DOCK2: variants seen among roughly 807,000 people sequenced by gnomAD.
The protein encoded by DOCK2 is dedicator of cytokinesis 2, also known as dedicator of cytokinesis protein 2.
In DOCK2, 87 loss-of-function variants were observed where a neutral mutation model predicts 248.9. That is an observed-to-expected ratio of 0.35 (90% CI 0.29 to 0.42). DOCK2 has a LOEUF of 0.42. Among genes scored for constraint, DOCK2 ranks in the 10% least tolerant of loss-of-function variants. The probability of loss-of-function intolerance (pLI) is 1.00; values close to 1 mark genes in which losing one functional copy is unlikely to be tolerated. For synonymous variants in DOCK2, 805 were observed against 821.6 expected (o/e 0.98, Z 0.35); for missense variants, 1,747 against 2,300.2 (o/e 0.76, Z 4.92).
chr5:169,798,223 C>A (rs988440841), intron 25 of DOCK2, among the ~76,000 whole-genome samples: 1 of 152,202 alleles, frequency 6.6e-6, no homozygotes, highest in Non-Finnish European at 1.5e-5. Context: ...TTCCTCGGAA[C>A]CTATGTTTTG....
chr5:169,844,025 A>C (rs542616682), intron 27 of DOCK2, among the ~76,000 whole-genome samples: 3 of 152,224 alleles, frequency 2.0e-5, no homozygotes, highest in Non-Finnish European at 4.4e-5. Flanking sequence ...TTCACAAACA[A>C]GTGTTGTATG....
intron 27 of DOCK2, among the ~76,000 whole-genome samples, chr5:169,939,249 G>A (rs1482764847): frequency 6.8e-6 from 1 of 148,084 alleles, no homozygotes; most frequent in African/African-American, 2.5e-5. Flanking sequence ...TAAAAACTAA[G>A]ACACAAACAC....
At chr5:169,971,001 G>A (rs1444569708) in intron 27 of DOCK2, among the ~76,000 whole-genome samples, 5 of 152,116 alleles carry the variant, frequency 3.3e-5, no homozygotes, top group Admixed American at 6.5e-5. Flanking sequence ...GCAGCGGGGG[G>A]AGGACCTGCG....
chr5:169,671,267 G>A lies in DOCK2; in HGVS notation c.321+93G>A. ...ATTTTAGCATTGAGTCAGGCAGGTGGAGGTGGCTTTGGTGACATAGCAGAG... is the reference window on the plus strand; with the variant it reads ...ATTTTAGCATTGAGTCAGGCAGGTGAAGGTGGCTTTGGTGACATAGCAGAG... On this transcript the variant is annotated intron_variant, in intron 5 of 51. Coordinates refer to ENST00000520908, the MANE Select transcript of DOCK2 (RefSeq NM_004946.3). 9.3e-6 allele frequency: 11 copies of A among 1,180,424 alleles called. 1 individual carries two copies. Among genetic ancestry groups the A allele is most frequent in the South Asian group, 7.9e-5 (6 of 75,844 alleles). The allele number at this position is 1,180,424 out of a possible 1,614,324, so 73.1% of individuals were successfully genotyped here. A position where few individuals can be genotyped will look rare whatever the true frequency, so the allele number is the denominator to read the frequency against.
intron 27 of DOCK2, among the ~76,000 whole-genome samples, chr5:169,861,281 A>C (rs1020023572): frequency 5.3e-5 from 8 of 152,218 alleles, no homozygotes; most frequent in Admixed American, 3.3e-4. Context: ...AAATCAACCC[A>C]AGCTAGTAAT....
intron 25 of DOCK2, among the ~76,000 whole-genome samples, chr5:169,802,244 C>A (rs936472817): frequency 2.0e-5 from 3 of 152,190 alleles, no homozygotes; most frequent in African/African-American, 7.2e-5. Flanking sequence ...TCACTGCAAC[C>A]TCCATTTCCT....
At chr5:169,965,121 C>T (rs1266931118) in intron 27 of DOCK2, among the ~76,000 whole-genome samples, 1 of 152,136 alleles carries the variant, frequency 6.6e-6, no homozygotes, top group African/African-American at 2.4e-5. Context: ...GTAAGTGTTA[C>T]TTGATGGTTA....
At chr5:169,731,041 AT>A (rs968523344) in intron 22 of DOCK2, among the ~76,000 whole-genome samples, 21 of 151,970 alleles carry the variant, frequency 1.4e-4, no homozygotes, top group Middle Eastern at 3.4e-3. Context: ...TAATTTTTAA[AT>A]TTTTTTGTGG....
intron 27 of DOCK2, among the ~76,000 whole-genome samples, chr5:169,909,819 T>C (rs1023996983): frequency 6.6e-6 from 1 of 152,210 alleles, no homozygotes; most frequent in African/African-American, 2.4e-5. Flanking sequence ...ACTTCTAGAA[T>C]GGTCTGAGTA....
chr5:169,855,391 A>G (rs1770831758), intron 27 of DOCK2, among the ~76,000 whole-genome samples: 1 of 152,186 alleles, frequency 6.6e-6, no homozygotes, highest in Admixed American at 6.5e-5. Flanking sequence ...GCAGCCTCTG[A>G]CTTTTTGGAA....
chr5:169,819,358 C>A (rs182434307), intron 26 of DOCK2, among the ~76,000 whole-genome samples: 1 of 152,128 alleles, frequency 6.6e-6, no homozygotes, highest in Non-Finnish European at 1.5e-5. Context: ...GAGTGGCTCA[C>A]GCCTTTAATA....
intron 46 of DOCK2, among the ~76,000 whole-genome samples, chr5:170,069,656 T>C (rs1757612645): frequency 6.6e-6 from 1 of 152,156 alleles, no homozygotes; most frequent in Admixed American, 6.5e-5. Context: ...GTTGCAATAA[T>C]GCTCAGATGG....
chr5:169,967,022 G>C (rs1242890790), intron 27 of DOCK2, among the ~76,000 whole-genome samples: 1 of 152,188 alleles, frequency 6.6e-6, no homozygotes, highest in Non-Finnish European at 1.5e-5. Flanking sequence ...TCCATTCATT[G>C]AGCAATTAAT....
intron 43 of DOCK2, 138 bp downstream of exon 43, chr5:170,056,906 G>A (rs1352607537): frequency 1.2e-5 from 9 of 720,304 alleles, no homozygotes; most frequent in Admixed American, 2.8e-5. Context: ...ATACCATGAC[G>A]TCCGTTCCCC....
chr5:169,669,771 G>A (rs1195596786), intron 3 of DOCK2, among the ~76,000 whole-genome samples: 1 of 152,060 alleles, frequency 6.6e-6, no homozygotes, highest in Non-Finnish European at 1.5e-5. Context: ...TTTCACTATT[G>A]TCTCCATGAG....
chr5:170,034,054 G>A (rs1229231003), intron 34 of DOCK2, among the ~76,000 whole-genome samples: 1 of 152,084 alleles, frequency 6.6e-6, no homozygotes, highest in East Asian at 1.9e-4. Context: ...AGAGTTGTGG[G>A]GTCAGAGGAT....
intron 27 of DOCK2, among the ~76,000 whole-genome samples, chr5:169,929,048 T>C (rs957171598): frequency 6.6e-6 from 1 of 152,178 alleles, no homozygotes; most frequent in African/African-American, 2.4e-5. Flanking sequence ...GATGGAAAGC[T>C]TGAGGTCAAC....
chr5:169,734,329 T>C (rs1762927519), intron 22 of DOCK2, among the ~76,000 whole-genome samples: 1 of 152,220 alleles, frequency 6.6e-6, no homozygotes, highest in Non-Finnish European at 1.5e-5. Context: ...GCTGGGTTTG[T>C]ACACTTTGTT....
rs531426537 is a variant in DOCK2, at chr5:170,039,856, T to G, written c.3666-1199T>G. On this transcript the variant is annotated intron_variant, in intron 36 of 51. Coordinates refer to ENST00000520908, the MANE Select transcript of DOCK2 (RefSeq NM_004946.3). ...CATGGCAGGCATTCCCTGCCTCTCC[T>G]CTCACATGAAGAAATTAGCATATCC... Among the ~76,000 whole-genome samples, 4 of 152,334 alleles carry G rather than the reference T, an allele frequency of 2.6e-5. No individual in the cohort carries two copies. In the East Asian group the frequency reaches 7.7e-4, roughly 29 times the overall value.
Sources: gnomAD v4.1 joint callset for allele counts (sites outside exome capture counted in the v4.1 genomes callset) on GRCh38, gnomAD v4.1.1 for gene constraint, MANE v1.5 for transcripts, NCBI Gene and HGNC (gene_info 2026-07-23, HGNC 2026-07-21) for gene names.